The following WDR33 variants were observed in gnomAD, a reference collection of about 807,000 sequenced individuals.
The protein encoded by WDR33 is WD repeat domain 33.
In WDR33, 47 loss-of-function variants were observed where a neutral mutation model predicts 164.9. The observed-to-expected ratio is 0.29, with a 90% CI of 0.23 to 0.36. The LOEUF (loss-of-function observed/expected upper bound fraction) is 0.36. Ranked by LOEUF, WDR33 falls within the 10% of genes least tolerant of loss-of-function variation. The probability of loss-of-function intolerance (pLI) is 1.00; values close to 1 mark genes in which losing one functional copy is unlikely to be tolerated. For synonymous variants in WDR33, 505 were observed against 589.0 expected (o/e 0.86, Z 2.06); for missense variants, 1,137 against 1,754.1 (o/e 0.65, Z 6.28).
chr2:127,770,955 A>C lies in WDR33; in HGVS notation c.27T>G (p.Pro9=), dbSNP rs1479560795. MATEIGSP[P]RFFHMPRFQH... is the part of the protein sequence containing the mutation. Reference sequence around the variant, plus strand: ...GGAACCTTGGCATATGGAAAAAACGAGGAGGAGAACCAATTTCTGTAGCCA... The same window carrying C: ...GGAACCTTGGCATATGGAAAAAACGCGGAGGAGAACCAATTTCTGTAGCCA... The change falls in exon 2 of 22, where the codon CCT becomes CCG. Residue 9 remains proline, a synonymous_variant. Transcript: ENST00000322313. The surrounding 1 kb of genome is among the most constrained non-coding windows in gnomAD (Gnocchi z 4.9). 6.2e-7 allele frequency: 1 copy of C among 1,614,058 alleles called. No individual in the cohort carries two copies. Among genetic ancestry groups the C allele is most frequent in the Non-Finnish European group, 8.5e-7 (1 of 1,179,948 alleles).
At chr2:127,757,641 A>G (rs1245622946) in intron 7 of WDR33, among the ~76,000 whole-genome samples, 2 of 152,152 alleles carry the variant, frequency 1.3e-5, no homozygotes, top group Non-Finnish European at 2.9e-5. Flanking sequence ...GGCTACTTTA[A>G]AGGAAGCTGG....
rs1686073687 is a variant in WDR33 at position 127,708,642 on chromosome 2, A to G, written c.3781+35T>C. On this transcript the variant is annotated intron_variant, in intron 21 of 21. Transcript: ENST00000322313. This position sits in a 1 kb window ranked among gnomAD's most constrained non-coding sequence, Gnocchi z 6.7. ...AGGCAAGGCCTCCATCGGCCCCTGC[A>G]TCTCCTGGAACCATAACCACTGGCC... 1.3e-6 allele frequency: 2 copies of G among 1,538,280 alleles called. No homozygotes were observed. Among genetic ancestry groups the G allele is most frequent in the African/African-American group, 1.4e-5 (1 of 72,464 alleles).
At chr2:127,781,999 T>TAAAAA (rs764718254) in intron 1 of WDR33, among the ~76,000 whole-genome samples, 14 of 90,194 alleles carry the variant, frequency 1.6e-4, no homozygotes, top group African/African-American at 5.2e-4. Context: ...ACTCTTTTTC[T>TAAAAA]AAAAAAAAAA....
chr2:127,803,134 C>T (rs1689311929), intron 1 of WDR33, among the ~76,000 whole-genome samples: 1 of 151,884 alleles, frequency 6.6e-6, no homozygotes, highest in African/African-American at 2.4e-5. Context: ...GAAGAAAGTT[C>T]ATCTTTAATG....
At position 127,701,887 on chromosome 2, in the gene WDR33, T is replaced by C; in HGVS notation, c.*4436A>G. The C allele has an allele frequency of 6.9e-7, 1 of 1,457,016 alleles. No homozygotes were observed. The highest frequency in any genetic ancestry group is 9.0e-7 in the Non-Finnish European group (1 of 1,110,576). The allele number at this position is 1,457,016 out of a possible 1,614,324, so 90.3% of individuals were successfully genotyped here. ...TGGTCACTGGGCTCGGCGCTGGCGTTGGCGGGAAGCGCGCTGCTGCGGGGC... is the reference window on the plus strand; with the variant it reads ...TGGTCACTGGGCTCGGCGCTGGCGTCGGCGGGAAGCGCGCTGCTGCGGGGC... On this transcript the variant is annotated 3_prime_UTR_variant, in exon 22 of 22. Transcript: ENST00000322313.
rs1157943329 is a variant in WDR33, at chr2:127,709,348, C to T, written c.3565+142G>A. The T allele has an allele frequency of 9.5e-6, 7 of 737,092 alleles. No homozygotes were observed. Among genetic ancestry groups the T allele is most frequent in the African/African-American group, 7.0e-5 (4 of 57,342 alleles). 45.7% of individuals were successfully genotyped at this position (737,092 alleles called of 1,614,324 possible). Reference sequence around the variant, plus strand: ...TTCCACCTGCTGAGATCAAGTGCTGCGGCTGCAGGACAGGAGACAGCCCAG... The same window carrying T: ...TTCCACCTGCTGAGATCAAGTGCTGTGGCTGCAGGACAGGAGACAGCCCAG... On this transcript the variant is annotated intron_variant, in intron 20 of 21. Transcript: ENST00000322313. This position sits in a 1 kb window ranked among gnomAD's most constrained non-coding sequence, Gnocchi z 5.0.
chr2:127,784,061 A>C (rs1688472640), intron 1 of WDR33, among the ~76,000 whole-genome samples: 1 of 152,176 alleles, frequency 6.6e-6, no homozygotes, highest in Admixed American at 6.5e-5. Context: ...CCTTTCCCAA[A>C]AGCAATTAGT....
At chr2:127,753,442 T>C (rs913830461) in intron 7 of WDR33, among the ~76,000 whole-genome samples, 1 of 152,176 alleles carries the variant, frequency 6.6e-6, no homozygotes, top group African/African-American at 2.4e-5. Flanking sequence ...TATCCTAAAA[T>C]AGTCCAGAGA....
intron 1 of WDR33, among the ~76,000 whole-genome samples, chr2:127,805,909 A>C (rs1186576033): frequency 1.3e-5 from 2 of 151,782 alleles, no homozygotes; most frequent in African/African-American, 2.4e-5. Context: ...TGTCGTCTTG[A>C]AGCTGGAGTC....
intron 1 of WDR33, among the ~76,000 whole-genome samples, chr2:127,776,037 C>T (rs761849009): frequency 5.3e-5 from 8 of 152,148 alleles, no homozygotes; most frequent in African/African-American, 9.7e-5. Context: ...CAGTCTTGGC[C>T]GCTGTTAGGG....
At chr2:127,783,932 G>A (rs1241973649) in intron 1 of WDR33, among the ~76,000 whole-genome samples, 1 of 151,202 alleles carries the variant, frequency 6.6e-6, no homozygotes, top group Non-Finnish European at 1.5e-5. Context: ...TTTAAACACT[G>A]AAGATTCCCC....
chr2:127,701,389 G>A lies in WDR33; in HGVS notation c.*4934C>T. 1.2e-6 allele frequency: 1 copy of A among 813,688 alleles called. No individual in the cohort carries two copies. Among genetic ancestry groups the A allele is most frequent in the Non-Finnish European group, 1.6e-6 (1 of 610,198 alleles). 50.4% of individuals were successfully genotyped at this position (813,688 alleles called of 1,614,324 possible). A position where few individuals can be genotyped will look rare whatever the true frequency, so the allele number is the denominator to read the frequency against. ...GACACCACAAAAGTCCGCAGAGCAG[G>A]CACCGCGGCACTTCCGCGAGCGCCG... On this transcript the variant is annotated 3_prime_UTR_variant, in exon 22 of 22. Transcript: ENST00000322313.
At position 127,738,405 on chromosome 2, in the gene WDR33, A is replaced by G. The variant is rs1407372783; in HGVS notation, c.725-11628T>C. ...TCTCCCATGCCTAAGAATTCCACAT[A>G]ATTTACACAGTTACTCCACCTGAAA... On this transcript the variant is annotated intron_variant, in intron 7 of 21. Transcript: ENST00000322313. This position sits in a 1 kb window ranked among gnomAD's most constrained non-coding sequence, Gnocchi z 4.4. 6.6e-6 allele frequency among the ~76,000 whole-genome samples: 1 copy of G among 152,150 alleles called. No individual in the cohort carries two copies. The highest frequency in any genetic ancestry group is 1.5e-5 in the Non-Finnish European group (1 of 68,024).
Position 127,725,158 on chromosome 2 carries a change from T to G in WDR33, c.909A>C (p.Leu303=). 8 of 1,613,808 alleles carry G rather than the reference T, an allele frequency of 5.0e-6. No homozygotes were observed. Among genetic ancestry groups the G allele is most frequent in the Non-Finnish European group, 6.8e-6 (8 of 1,179,954 alleles). The change falls in exon 9 of 22, where the codon CTA becomes CTC. Residue 303 remains leucine (L), a synonymous_variant. Transcript: ENST00000322313. ...EVKLNLNGNW[L]LTASRDHLCK... ...AGAGATGATCACGTGATGCTGTGAG[T>G]AGCCAATTGCCATTGAGGTTTAATT...
At chr2:127,781,853 C>A (rs563110854) in intron 1 of WDR33, among the ~76,000 whole-genome samples, 83 of 151,908 alleles carry the variant, frequency 5.5e-4, no homozygotes, top group African/African-American at 1.8e-3. Flanking sequence ...ACAAAATTAA[C>A]CAGGCGTGGT....
At chr2:127,746,778 CTTCT>C (rs1464679767) in intron 7 of WDR33, among the ~76,000 whole-genome samples, 1 of 152,212 alleles carries the variant, frequency 6.6e-6, no homozygotes, top group East Asian at 1.9e-4. Context: ...TTAATAATTT[CTTCT>C]TTGTCACTTA....
intron 7 of WDR33, chr2:127,737,446 T>G: frequency 2.0e-6 from 2 of 985,492 alleles, no homozygotes; most frequent in Non-Finnish European, 2.4e-6. Flanking sequence ...CACAATTCAG[T>G]AACAATATAT....
chr2:127,793,707 C>T (rs1294654980), intron 1 of WDR33, among the ~76,000 whole-genome samples: 1 of 152,182 alleles, frequency 6.6e-6, no homozygotes, highest in Non-Finnish European at 1.5e-5. Flanking sequence ...TGCCACTATA[C>T]TCCAGCCTGG....
rs767163289 is a variant in WDR33, at chr2:127,770,792, T to C, written c.190A>G (p.Ile64Val). ...RKTIDYNPSVIKYLENRIWQR... is the reference protein window; with the variant it reads ...RKTIDYNPSVVKYLENRIWQR... ...ATCAGGCTTACCTCCAAATACTTAA[T>C]TACAGATGGATTGTAGTCTATGGTT... Residue 64 changes from isoleucine to valine, a missense_variant, in exon 2 of 22, where the codon ATT (isoleucine) becomes GTT (valine). Ile to Val is a conservative substitution (Grantham distance 29). This residue lies in a region of WDR33 where 55 missense variants were observed against 84.6 expected (regional missense o/e 0.65). Transcript: ENST00000322313. The surrounding 1 kb of genome is among the most constrained non-coding windows in gnomAD (Gnocchi z 4.9). The C allele has an allele frequency of 6.2e-7, 1 of 1,613,992 alleles. No homozygotes were observed. Among genetic ancestry groups the C allele is most frequent in the Admixed American group, 1.7e-5 (1 of 60,004 alleles).
Sources: gnomAD v4.1 joint callset for allele counts (sites outside exome capture counted in the v4.1 genomes callset) on GRCh38, gnomAD v4.1.1 for gene constraint, gnomAD v4.1.1 regional missense constraint, Gnocchi (gnomAD v3.1) non-coding constraint, MANE v1.5 for transcripts, NCBI Gene and HGNC (gene_info 2026-07-23, HGNC 2026-07-21) for gene names.